NSMCE2: variants seen among roughly 807,000 people sequenced by gnomAD.
The protein encoded by NSMCE2 is E3 SUMO-protein ligase NSE2.
NSMCE2 carries 24 observed loss-of-function variants against 23.8 expected under a neutral mutation model. The observed-to-expected ratio is 1.01, with a 90% CI of 0.73 to 1.42. The LOEUF (loss-of-function observed/expected upper bound fraction) is 1.42. NSMCE2 is among the 40% of genes most tolerant of loss of function. The probability of loss-of-function intolerance (pLI) is 0.00; values close to 1 mark genes in which losing one functional copy is unlikely to be tolerated. For synonymous variants in NSMCE2, 92 were observed against 94.1 expected, an observed-to-expected ratio of 0.98 and a Z score of 0.13; for missense variants, 284 against 296.5, an observed-to-expected ratio of 0.96 and a Z score of 0.31.
intron 3 of NSMCE2, among the ~76,000 whole-genome samples, chr8:125,141,989 T>A (rs1254369354): frequency 6.6e-6 from 1 of 152,270 alleles, no homozygotes; most frequent in African/African-American, 2.4e-5. Flanking sequence ...TGCAGTCTTG[T>A]GAGTTCAGTT....
chr8:125,330,655 C>A (rs1033959986), intron 5 of NSMCE2, among the ~76,000 whole-genome samples: 1 of 152,148 alleles, frequency 6.6e-6, no homozygotes, highest in African/African-American at 2.4e-5. Flanking sequence ...TGCCTAATTA[C>A]GTTTATTTCT....
intron 5 of NSMCE2, among the ~76,000 whole-genome samples, chr8:125,268,667 A>C (rs1827045134): frequency 6.6e-6 from 1 of 152,226 alleles, no homozygotes; most frequent in South Asian, 2.1e-4. Flanking sequence ...CAGAAACAAA[A>C]GAGAGAGCTG....
chr8:125,201,710 C>T (rs1823885086), intron 5 of NSMCE2, among the ~76,000 whole-genome samples: 1 of 152,228 alleles, frequency 6.6e-6, no homozygotes, highest in Non-Finnish European at 1.5e-5. Context: ...GCTGAGAGAA[C>T]CACTGCTCTC....
chr8:125,304,715 G>C (rs939866805), intron 5 of NSMCE2, among the ~76,000 whole-genome samples: 2 of 151,910 alleles, frequency 1.3e-5, no homozygotes, highest in African/African-American at 4.8e-5. Context: ...AAATTAGCCA[G>C]GCATGGTAGC....
At chr8:125,273,536 C>A (rs995053314) in intron 5 of NSMCE2, among the ~76,000 whole-genome samples, 11 of 152,186 alleles carry the variant, frequency 7.2e-5, no homozygotes, top group African/African-American at 2.4e-4. Context: ...CTTCCTACAG[C>A]GTCCTAAATT....
intron 5 of NSMCE2, among the ~76,000 whole-genome samples, chr8:125,231,642 G>A (rs1825327946): frequency 6.6e-6 from 1 of 152,136 alleles, no homozygotes; most frequent in African/African-American, 2.4e-5. Flanking sequence ...TGTGTATCAT[G>A]CATAGGAAGA....
chr8:125,258,496 G>A (rs540512473), intron 5 of NSMCE2, among the ~76,000 whole-genome samples: 1 of 152,052 alleles, frequency 6.6e-6, no homozygotes, highest in African/African-American at 2.4e-5. Flanking sequence ...CCTGAGTGAG[G>A]GAGAATGGGC....
rs565777294 is a variant in NSMCE2 at position 125,215,454 on chromosome 8, G to A, written c.418+33198G>A. Among the ~76,000 whole-genome samples, 779 of 151,708 alleles carry A rather than the reference G, an allele frequency of 5.1e-3. 1 individual carries two copies. Among genetic ancestry groups the A allele is most frequent in the Non-Finnish European group, 8.7e-3 (594 of 67,912 alleles). ...TCCAGTCTATCATTGTTGGACATTTGGGTTGGTTCCAAGTCTTTGCTATTG... is the reference window on the plus strand; with the variant it reads ...TCCAGTCTATCATTGTTGGACATTTAGGTTGGTTCCAAGTCTTTGCTATTG... On this transcript the variant is annotated intron_variant, in intron 5 of 7. Coordinates refer to ENST00000287437, the MANE Select transcript of NSMCE2 (RefSeq NM_173685.4).
intron 5 of NSMCE2, among the ~76,000 whole-genome samples, chr8:125,201,177 C>T (rs1277513891): frequency 2.6e-5 from 4 of 152,202 alleles, no homozygotes; most frequent in African/African-American, 7.2e-5. Flanking sequence ...TCTGTCAACT[C>T]GTCAAAGTCA....
At chr8:125,252,624 T>G (rs1304268691) in intron 5 of NSMCE2, among the ~76,000 whole-genome samples, 3 of 152,260 alleles carry the variant, frequency 2.0e-5, no homozygotes, top group Non-Finnish European at 2.9e-5. Flanking sequence ...ATCAATGAGG[T>G]CTTGTAATTG....
At chr8:125,203,145 G>GA (rs945330159) in intron 5 of NSMCE2, among the ~76,000 whole-genome samples, 3 of 150,834 alleles carry the variant, frequency 2.0e-5, no homozygotes, top group Non-Finnish European at 3.0e-5. Flanking sequence ...GATTTAAATT[G>GA]AAAAAAATGG....
At chr8:125,227,325 G>C (rs1295189885) in intron 5 of NSMCE2, among the ~76,000 whole-genome samples, 4 of 152,284 alleles carry the variant, frequency 2.6e-5, no homozygotes, top group African/African-American at 9.6e-5. Flanking sequence ...CAGTCCTTCA[G>C]ATAGCAGTGA....
chr8:125,103,880 C>G (rs1449380525), intron 3 of NSMCE2, among the ~76,000 whole-genome samples: 2 of 151,730 alleles, frequency 1.3e-5, no homozygotes, highest in Non-Finnish European at 2.9e-5. Flanking sequence ...ATATTTTCCT[C>G]TACATTCTTG....
At chr8:125,256,542 G>A (rs1306892701) in intron 5 of NSMCE2, among the ~76,000 whole-genome samples, 2 of 152,170 alleles carry the variant, frequency 1.3e-5, no homozygotes, top group East Asian at 3.8e-4. Flanking sequence ...GATTTAAGCT[G>A]TAAGAAAAGA....
chr8:125,299,174 A>G (rs2131190145), intron 5 of NSMCE2, among the ~76,000 whole-genome samples: 1 of 152,320 alleles, frequency 6.6e-6, no homozygotes, highest in East Asian at 1.9e-4. Context: ...TTAAATCTGT[A>G]TATAGTGAAA....
chr8:125,263,179 G>A (rs1826770574), intron 5 of NSMCE2, among the ~76,000 whole-genome samples: 1 of 152,208 alleles, frequency 6.6e-6, no homozygotes, highest in African/African-American at 2.4e-5. Context: ...AGATAAGGTA[G>A]GAGATGGCAT....
chr8:125,241,937 A>T lies in NSMCE2; in HGVS notation c.418+59681A>T, dbSNP rs956740361. Among the ~76,000 whole-genome samples, 6 of 152,300 alleles carry T rather than the reference A, an allele frequency of 3.9e-5. 2 individuals are homozygous for T. Among genetic ancestry groups the T allele is most frequent in the Admixed American group, 3.9e-4 (6 of 15,302 alleles). ...CAGGGCTTTTAGAGTGGACAATTTC[A>T]GTGGGTGATGATGCCATTTACCAGA... On this transcript the variant is annotated intron_variant, in intron 5 of 7. Transcript: ENST00000287437.
intron 3 of NSMCE2, among the ~76,000 whole-genome samples, chr8:125,120,051 G>A (rs537321866): frequency 6.6e-5 from 10 of 152,044 alleles, no homozygotes; most frequent in Non-Finnish European, 1.2e-4. Flanking sequence ...AAACAAATAT[G>A]TCTAAAATAT....
At chr8:125,117,345 C>T (rs984266010) in intron 3 of NSMCE2, among the ~76,000 whole-genome samples, 16 of 152,230 alleles carry the variant, frequency 1.1e-4, no homozygotes, top group African/African-American at 3.1e-4. Flanking sequence ...CCTCAGCCTC[C>T]CAAAGTGCTA....
Sources: gnomAD v4.1 joint callset for allele counts (sites outside exome capture counted in the v4.1 genomes callset) on GRCh38, gnomAD v4.1.1 for gene constraint, MANE v1.5 for transcripts, NCBI Gene and HGNC (gene_info 2026-07-23, HGNC 2026-07-21) for gene names.